IRAK2: variants seen among roughly 807,000 people sequenced by gnomAD.
The protein encoded by IRAK2 is interleukin-1 receptor-associated kinase-like 2.
A neutral mutation model predicts 72.0 loss-of-function variants in IRAK2; 57 were observed. The observed-to-expected ratio is 0.79, with a 90% CI of 0.64 to 0.99. The LOEUF is 0.99. Among genes scored for constraint, IRAK2 ranks in the 50% least tolerant of loss-of-function variants. The probability of loss-of-function intolerance (pLI) is 0.00; values close to 1 mark genes in which losing one functional copy is unlikely to be tolerated. For synonymous variants in IRAK2, 293 were observed against 312.7 expected (o/e 0.94, Z 0.67); for missense variants, 790 against 794.4 (o/e 0.99, Z 0.07).
rs551079019 is a variant in IRAK2 at position 10,186,586 on chromosome 3, C to T, written c.277+8566C>T. ...TCTTAATTTGACTTTTGCCTTTGAGCTCTCTGTATTTGGCAGAGAACCTCT... is the reference window on the plus strand; with the variant it reads ...TCTTAATTTGACTTTTGCCTTTGAGTTCTCTGTATTTGGCAGAGAACCTCT... On this transcript the variant is annotated intron_variant, in intron 2 of 12. Transcript: ENST00000256458. 1.8e-4 allele frequency among the ~76,000 whole-genome samples: 28 copies of T among 151,714 alleles called. 1 individual carries two copies. The highest frequency in any genetic ancestry group is 6.3e-4 in the African/African-American group (26 of 41,014).
At chr3:10,205,299 G>A (rs1697419228) in intron 3 of IRAK2, among the ~76,000 whole-genome samples, 1 of 152,220 alleles carries the variant, frequency 6.6e-6, no homozygotes, top group African/African-American at 2.4e-5. Flanking sequence ...CCCCAGAGGA[G>A]GGGAGGGCTG....
intron 10 of IRAK2, among the ~76,000 whole-genome samples, chr3:10,232,094 T>TCC (rs1265539730): frequency 7.2e-5 from 11 of 152,198 alleles, no homozygotes; most frequent in Admixed American, 2.6e-4. Flanking sequence ...GCCACTGCAC[T>TCC]ACAGCCTGGG....
intron 7 of IRAK2, 120 bp downstream of exon 7, chr3:10,217,168 C>A: frequency 1.4e-6 from 1 of 695,974 alleles, no homozygotes. Context: ...ACCAGGGAGA[C>A]TTCAAGGAGA....
chr3:10,202,910 G>A (rs941239925), intron 3 of IRAK2, among the ~76,000 whole-genome samples: 2 of 151,856 alleles, frequency 1.3e-5, no homozygotes, highest in Middle Eastern at 3.2e-3. Context: ...GGCTGGTCTC[G>A]AACTCCTGGG....
At chr3:10,185,947 G>A (rs963702186) in intron 2 of IRAK2, among the ~76,000 whole-genome samples, 2 of 151,454 alleles carry the variant, frequency 1.3e-5, no homozygotes, top group African/African-American at 4.9e-5. Context: ...CCAGCTACTC[G>A]GGAGGCTGAG....
chr3:10,166,046 CA>C (rs1696683923), intron 1 of IRAK2, among the ~76,000 whole-genome samples: 1 of 151,894 alleles, frequency 6.6e-6, no homozygotes, highest in Admixed American at 6.6e-5. Flanking sequence ...CTCTTGATCT[CA>C]GGCGATCCAC....
chr3:10,242,340 T>C lies in IRAK2; in HGVS notation c.*112T>C. On this transcript the variant is annotated 3_prime_UTR_variant, in exon 13 of 13. Coordinates refer to ENST00000256458, the MANE Select transcript of IRAK2 (RefSeq NM_001570.4). ...CTGCCAGGAAACACACAACAAAACA[T>C]CTGCTGTCCTGGGTGGGAGGGAAAC... The C allele has an allele frequency of 3.3e-6, 2 of 597,716 alleles. 1 individual carries two copies. The highest frequency in any genetic ancestry group is 4.6e-5 in the South Asian group (2 of 43,362). 37.0% of individuals were successfully genotyped at this position (597,716 alleles called of 1,614,324 possible).
At chr3:10,195,526 G>A (rs534808257) in intron 2 of IRAK2, among the ~76,000 whole-genome samples, 31 of 151,698 alleles carry the variant, frequency 2.0e-4, no homozygotes, top group African/African-American at 7.3e-4. Flanking sequence ...CATAGCCTGG[G>A]TGACAGAGCA....
At chr3:10,203,440 C>T (rs1353857400) in intron 3 of IRAK2, among the ~76,000 whole-genome samples, 1 of 152,224 alleles carries the variant, frequency 6.6e-6, no homozygotes, top group Non-Finnish European at 1.5e-5. Flanking sequence ...CATCAAACCA[C>T]CCAAAGCTTG....
At chr3:10,194,771 A>G (rs1230563437) in intron 2 of IRAK2, among the ~76,000 whole-genome samples, 1 of 152,334 alleles carries the variant, frequency 6.6e-6, no homozygotes, top group South Asian at 2.1e-4. Context: ...AGGGCGGTTC[A>G]TGTTTATACG....
At position 10,209,705 on chromosome 3, in the gene IRAK2, C is replaced by G. The variant is rs983044914; in HGVS notation, c.528+13C>G. The G allele has an allele frequency of 2.8e-6, 4 of 1,441,522 alleles. No individual in the cohort carries two copies. In the East Asian group the frequency reaches 1.0e-4, roughly 38 times the overall value. The allele number at this position is 1,441,522 out of a possible 1,614,324, so 89.3% of individuals were successfully genotyped here. On this transcript the variant is annotated intron_variant, in intron 4 of 12. Coordinates refer to ENST00000256458, the MANE Select transcript of IRAK2 (RefSeq NM_001570.4). ...GTCTGATTCAAAGGTAAATCCACCC[C>G]TCGGCTGCAGCCCCCAAGCCATGTC...
At chr3:10,182,414 G>T (rs1696973970) in intron 2 of IRAK2, among the ~76,000 whole-genome samples, 1 of 151,004 alleles carries the variant, frequency 6.6e-6, no homozygotes, top group African/African-American at 2.4e-5. Context: ...TCCCGAGTAG[G>T]TGGGACTACA....
chr3:10,230,042 G>A (rs1364165193), intron 10 of IRAK2, among the ~76,000 whole-genome samples: 1 of 152,090 alleles, frequency 6.6e-6, no homozygotes, highest in Non-Finnish European at 1.5e-5. Context: ...AGAGTACAGT[G>A]AGTCGAGATT....
intron 2 of IRAK2, among the ~76,000 whole-genome samples, chr3:10,190,656 C>G (rs149769225): frequency 6.6e-6 from 1 of 152,258 alleles, no homozygotes; most frequent in African/African-American, 2.4e-5. Flanking sequence ...TGAAGTGAAC[C>G]ATCCTTTATT....
Position 10,174,064 on chromosome 3 carries a change from G to A in IRAK2, c.95-3774G>A, listed in dbSNP as rs115810014. On this transcript the variant is annotated intron_variant, in intron 1 of 12. Coordinates refer to ENST00000256458, the MANE Select transcript of IRAK2 (RefSeq NM_001570.4). ...CCCTGGGCTTCTGTTTTCCCATTAC[G>A]TCATGCTGCCTCCCAAGATGGGAGT... Among the ~76,000 whole-genome samples the A allele has an allele frequency of 9.0e-3, 1,373 of 152,132 alleles. 20 individuals carry two copies. Among genetic ancestry groups the A allele is most frequent in the African/African-American group, 0.031 (1,281 of 41,494 alleles).
chr3:10,179,931 T>C (rs1043483022), intron 2 of IRAK2, among the ~76,000 whole-genome samples: 4 of 152,204 alleles, frequency 2.6e-5, no homozygotes, highest in African/African-American at 9.7e-5. Flanking sequence ...TTTGCACACA[T>C]GTAAGTGTAG....
At chr3:10,231,812 G>C (rs1414515454) in intron 10 of IRAK2, among the ~76,000 whole-genome samples, 1 of 152,108 alleles carries the variant, frequency 6.6e-6, no homozygotes, top group African/African-American at 2.4e-5. Context: ...ACCACGCCCG[G>C]GCATGGTTAT....
At chr3:10,216,867 G>A (rs1479639265) in intron 6 of IRAK2, 67 bp from the exon 7 acceptor site, 4 of 1,184,992 alleles carry the variant, frequency 3.4e-6, no homozygotes, top group Non-Finnish European at 5.0e-6. Context: ...GAAGAGGGGT[G>A]GGACATGAGG....
chr3:10,210,568 A>AGCTTT (rs1304584910), intron 4 of IRAK2, among the ~76,000 whole-genome samples: 20 of 152,146 alleles, frequency 1.3e-4, no homozygotes, highest in African/African-American at 4.6e-4. Flanking sequence ...GGGAGAAGCC[A>AGCTTT]GCTTTGCATG....
Sources: allele counts gnomAD v4.1 joint callset (sites outside exome capture counted in the v4.1 genomes callset), GRCh38; gene constraint gnomAD v4.1.1; transcripts MANE v1.5; gene names NCBI Gene and HGNC (gene_info 2026-07-23, HGNC 2026-07-21).